Variants in PCDH15 observed in about 807,000 individuals in gnomAD.
The protein encoded by PCDH15 is protocadherin related 15.
A neutral mutation model predicts 178.5 loss-of-function variants in PCDH15; 129 were observed. The observed-to-expected ratio is 0.72, with a 90% CI of 0.63 to 0.84. The LOEUF (loss-of-function observed/expected upper bound fraction) is 0.84, where lower values mean the gene tolerates loss of function less well. PCDH15 is among the 40% of genes least tolerant of loss of function. The pLI is 0.00. For synonymous variants in PCDH15, 800 were observed against 732.0 expected, an observed-to-expected ratio of 1.09 and a Z score of -1.50; for missense variants, 2,230 against 2,099.9, an observed-to-expected ratio of 1.06 and a Z score of -1.21.
At chr10:53,939,287 C>T (rs2085845103) in intron 24 of PCDH15, among the ~76,000 whole-genome samples, 1 of 152,074 alleles carries the variant, frequency 6.6e-6, no homozygotes, top group Non-Finnish European at 1.5e-5. Flanking sequence ...TCTTCTGTCA[C>T]ACTAAAGGCT....
chr10:54,195,638 T>G, intron 11 of PCDH15, 45 bp downstream of exon 11: 146 of 1,475,824 alleles, frequency 9.9e-5, no homozygotes, highest in Middle Eastern at 1.7e-4. Flanking sequence ...AATGGAAATA[T>G]GAGATTTGTT....
At chr10:54,009,736 GAGTA>G (rs1275486279) in intron 20 of PCDH15, among the ~76,000 whole-genome samples, 13 of 152,292 alleles carry the variant, frequency 8.5e-5, no homozygotes, top group African/African-American at 7.2e-5. Flanking sequence ...GAGAAACAGT[GAGTA>G]AGTGAGTCCC....
At chr10:53,966,257 T>G (rs531102800) in intron 21 of PCDH15, among the ~76,000 whole-genome samples, 1 of 152,330 alleles carries the variant, frequency 6.6e-6, no homozygotes, top group Non-Finnish European at 1.5e-5. Context: ...ACATTTTGAT[T>G]CTTTTATCAC....
chr10:54,831,805 A>G (rs1466003123), intron 3 of PCDH15, among the ~76,000 whole-genome samples: 1 of 152,132 alleles, frequency 6.6e-6, no homozygotes, highest in Non-Finnish European at 1.5e-5. Flanking sequence ...TACATGATCA[A>G]TTGGCCACCG....
intron 2 of PCDH15, among the ~76,000 whole-genome samples, chr10:55,542,091 T>C (rs575282730): frequency 1.3e-5 from 2 of 151,692 alleles, no homozygotes; most frequent in Admixed American, 6.6e-5. Flanking sequence ...CAGACAAATA[T>C]GGAAGTACCT....
At chr10:53,889,071 A>C (rs1041474117) in intron 26 of PCDH15, among the ~76,000 whole-genome samples, 3 of 151,982 alleles carry the variant, frequency 2.0e-5, no homozygotes, top group South Asian at 2.1e-4. Context: ...CAAACACACA[A>C]AAAAATCCCA....
chr10:55,256,707 A>G (rs894797314), intron 1 of PCDH15, among the ~76,000 whole-genome samples: 13 of 152,332 alleles, frequency 8.5e-5, no homozygotes, highest in Non-Finnish European at 1.5e-4. Context: ...AGGCCTGAGT[A>G]GGTAAACAAA....
chr10:54,787,366 G>A (rs1397259635), intron 1 of PCDH15, among the ~76,000 whole-genome samples: 1 of 151,624 alleles, frequency 6.6e-6, no homozygotes, highest in Non-Finnish European at 1.5e-5. Flanking sequence ...TTATCTAAAA[G>A]CATTTATTTT....
chr10:55,582,257 G>C (rs1842629630), intron 2 of PCDH15, among the ~76,000 whole-genome samples: 1 of 152,136 alleles, frequency 6.6e-6, no homozygotes, highest in South Asian at 2.1e-4. Context: ...ATGAGCAACA[G>C]TTTCTAAATA....
chr10:55,046,676 C>A (rs1306355965), intron 2 of PCDH15, among the ~76,000 whole-genome samples: 1 of 151,964 alleles, frequency 6.6e-6, no homozygotes, highest in African/African-American at 2.4e-5. Context: ...AATCACTTGA[C>A]AAAAGGCAGA....
chr10:54,722,325 T>TATC (rs143509797), intron 1 of PCDH15, among the ~76,000 whole-genome samples: 18,467 of 151,606 alleles, frequency 0.12, 1,241 homozygotes, highest in African/African-American at 0.17. Context: ...TGTCAACTCT[T>TATC]ATTCTTATTC....
chr10:54,772,602 G>A (rs996428828), intron 1 of PCDH15, among the ~76,000 whole-genome samples: 20 of 140,454 alleles, frequency 1.4e-4, no homozygotes, highest in Middle Eastern at 3.8e-3. Flanking sequence ...TCTTATTAAC[G>A]TTCAAAGAAA....
At position 55,538,943 on chromosome 10, in the gene PCDH15, CTCCCTTCCT is replaced by C. The variant is rs1258630840; in HGVS notation, c.-156+88673_-156+88681del. ...CCTTCCTTCCTCCTTTCCTTCCTTCCTCCCTTCCTTCCTTTCCTTCCTTCCTTCCTCCTT... is the reference window on the plus strand; with the variant it reads ...CCTTCCTTCCTCCTTTCCTTCCTTCCTCCTTTCCTTCCTTCCTTCCTCCTT... On this transcript the variant is annotated intron_variant, in intron 2 of 5. Coordinates refer to the PCDH15 transcript ENST00000613346. 8.4e-4 allele frequency among the ~76,000 whole-genome samples: 57 copies of C among 67,752 alleles called. 4 individuals are homozygous for C. Among genetic ancestry groups the C allele is most frequent in the African/African-American group, 3.4e-3 (51 of 14,932 alleles). The allele number at this position is 67,752 out of a possible 152,430, so 44.4% of individuals were successfully genotyped here. A position where few individuals can be genotyped will look rare whatever the true frequency, so the allele number is the denominator to read the frequency against.
At chr10:53,814,921 G>C (rs1464847657) in intron 35 of PCDH15, among the ~76,000 whole-genome samples, 1 of 148,842 alleles carries the variant, frequency 6.7e-6, no homozygotes, top group Non-Finnish European at 1.5e-5. Flanking sequence ...CCAAGATTAT[G>C]CCACTGCACT....
chr10:54,377,479 T>C (rs769651906), intron 4 of PCDH15, among the ~76,000 whole-genome samples: 1 of 152,130 alleles, frequency 6.6e-6, no homozygotes, highest in Non-Finnish European at 1.5e-5. Flanking sequence ...CAGGAAAACA[T>C]AATTCACAAG....
At chr10:53,831,209 G>A (rs2132632973) in intron 30 of PCDH15, 106 bp downstream of exon 30, 6 of 999,470 alleles carry the variant, frequency 6.0e-6, no homozygotes, top group African/African-American at 1.6e-5. Context: ...CAATCTCAGA[G>A]TAGTTGCACC....
chr10:54,999,280 GA>G (rs1839733881), intron 2 of PCDH15, among the ~76,000 whole-genome samples: 1 of 142,342 alleles, frequency 7.0e-6, no homozygotes, highest in South Asian at 2.4e-4. Flanking sequence ...CAAGAGCTTT[GA>G]GGATTCTGGA....
At chr10:53,984,547 A>C (rs1184244037) in intron 21 of PCDH15, among the ~76,000 whole-genome samples, 1 of 152,134 alleles carries the variant, frequency 6.6e-6, no homozygotes, top group South Asian at 2.1e-4. Context: ...AGCATCTCTT[A>C]TATAATAGAA....
At chr10:54,921,399 G>A (rs1411455583) in intron 2 of PCDH15, among the ~76,000 whole-genome samples, 4 of 151,998 alleles carry the variant, frequency 2.6e-5, no homozygotes, top group Non-Finnish European at 5.9e-5. Flanking sequence ...CATGTCCCAA[G>A]GGTTTGTTGT....
Sources: gnomAD v4.1 joint callset for allele counts (sites outside exome capture counted in the v4.1 genomes callset) on GRCh38, gnomAD v4.1.1 for gene constraint, MANE v1.5 for transcripts, NCBI Gene and HGNC (gene_info 2026-07-23, HGNC 2026-07-21) for gene names.